The following CAMK4 variants were observed in gnomAD, a reference collection of about 807,000 sequenced individuals.
The protein encoded by CAMK4 is calcium/calmodulin-dependent protein kinase type IV.
CAMK4 carries 22 observed loss-of-function variants against 44.9 expected under a neutral mutation model. The observed-to-expected ratio is 0.49, with a 90% CI of 0.35 to 0.70. CAMK4 has a LOEUF of 0.70. CAMK4 is among the 30% of genes least tolerant of loss of function. The pLI is 0.01. For synonymous variants in CAMK4, 218 were observed against 215.4 expected, an observed-to-expected ratio of 1.01 and a Z score of -0.11; for missense variants, 498 against 586.8, an observed-to-expected ratio of 0.85 and a Z score of 1.56.
chr5:111,230,875 TAAAC>T (rs368204569), intron 1 of CAMK4, among the ~76,000 whole-genome samples: 17 of 152,256 alleles, frequency 1.1e-4, no homozygotes, highest in African/African-American at 3.6e-4. Flanking sequence ...ACGTATCTAA[TAAAC>T]AGAATATTGA....
rs115780787 is a variant in CAMK4 at position 111,257,984 on chromosome 5, A to G, written c.161+33340A>G. On this transcript the variant is annotated intron_variant, in intron 1 of 10. Coordinates refer to ENST00000282356, the MANE Select transcript of CAMK4 (RefSeq NM_001744.6). ...AATGAGATACCATCTCAGGGGAACA[A>G]CACACACTGGGGCCTAGCACGGGGA... is the stretch of plus-strand genomic sequence containing the variant. Among the ~76,000 whole-genome samples the G allele has an allele frequency of 2.2e-3, 334 of 152,212 alleles. 1 individual carries two copies. Among genetic ancestry groups the G allele is most frequent in the African/African-American group, 7.6e-3 (316 of 41,526 alleles).
chr5:111,282,623 G>C (rs1269286275), intron 1 of CAMK4, among the ~76,000 whole-genome samples: 1 of 152,080 alleles, frequency 6.6e-6, no homozygotes, highest in Non-Finnish European at 1.5e-5. Context: ...AGTATATGTA[G>C]CCACCAGAAT....
At chr5:111,259,171 C>T (rs1749872072) in intron 1 of CAMK4, among the ~76,000 whole-genome samples, 1 of 152,162 alleles carries the variant, frequency 6.6e-6, no homozygotes, top group Non-Finnish European at 1.5e-5. Flanking sequence ...CTTCCCTAAA[C>T]ATACAGAATA....
At chr5:111,400,684 G>C in intron 5 of CAMK4, among the ~76,000 whole-genome samples, 1 of 152,096 alleles carries the variant, frequency 6.6e-6, no homozygotes, top group Non-Finnish European at 1.5e-5. Flanking sequence ...GTGTTTGAAA[G>C]ATGTTTCCCT....
At chr5:111,400,364 A>G (rs1230519418) in intron 5 of CAMK4, among the ~76,000 whole-genome samples, 1 of 152,258 alleles carries the variant, frequency 6.6e-6, no homozygotes, top group Non-Finnish European at 1.5e-5. Context: ...ACACAGCTAT[A>G]CATAGCTATA....
Position 111,224,426 on chromosome 5 carries a change from T to C in CAMK4, c.-58T>C. 1 of 1,514,526 alleles carries C rather than the reference T, an allele frequency of 6.6e-7. No individual in the cohort carries two copies. The highest frequency in any genetic ancestry group is 8.8e-7 in the Non-Finnish European group (1 of 1,134,960). The allele number at this position is 1,514,526 out of a possible 1,614,324, so 93.8% of individuals were successfully genotyped here. On this transcript the variant is annotated 5_prime_UTR_variant, in exon 1 of 11. Transcript: ENST00000282356. The surrounding 1 kb of genome is among the most constrained non-coding windows in gnomAD (Gnocchi z 5.7). ...TCGCAGGCGGCGGCTGGCGGCCGGCTTCTCGCTCGGGCAGCGGCGGCGGCG... is the reference window on the plus strand; with the variant it reads ...TCGCAGGCGGCGGCTGGCGGCCGGCCTCTCGCTCGGGCAGCGGCGGCGGCG...
chr5:111,224,311 C>G, upstream of CAMK4: 2 of 968,966 alleles, frequency 2.1e-6, no homozygotes, highest in Non-Finnish European at 2.7e-6. This position sits in a 1 kb window ranked among gnomAD's most constrained non-coding sequence, Gnocchi z 5.7. Context: ...GAGGCTCGCC[C>G]CCTTCCCCGC....
chr5:111,279,693 T>G (rs1328449503), intron 1 of CAMK4, among the ~76,000 whole-genome samples: 1 of 151,458 alleles, frequency 6.6e-6, no homozygotes, highest in Non-Finnish European at 1.5e-5. Context: ...TATATTGCTT[T>G]TTATTTGGCA....
At chr5:111,420,260 G>T (rs1443375621) in intron 5 of CAMK4, among the ~76,000 whole-genome samples, 1 of 152,178 alleles carries the variant, frequency 6.6e-6, no homozygotes, top group Non-Finnish European at 1.5e-5. Flanking sequence ...TGGTGTATAA[G>T]AATGCTGGTG....
rs900277976 is a variant in CAMK4, at chr5:111,336,487, T to C, written c.162-7537T>C. 3.3e-5 allele frequency among the ~76,000 whole-genome samples: 5 copies of C among 151,084 alleles called. No individual in the cohort carries two copies. The South Asian group carries it at 1.0e-3, about 31-fold the overall frequency. On this transcript the variant is annotated intron_variant, in intron 1 of 10. Coordinates refer to ENST00000282356, the MANE Select transcript of CAMK4 (RefSeq NM_001744.6). ...TCAATTAATAATATAGGTTATTTTTTTGAGAAACTGTTGAATTGTTATTTC... is the reference window on the plus strand; with the variant it reads ...TCAATTAATAATATAGGTTATTTTTCTGAGAAACTGTTGAATTGTTATTTC...
At chr5:111,407,164 C>A (rs1430067604) in intron 5 of CAMK4, among the ~76,000 whole-genome samples, 1 of 151,942 alleles carries the variant, frequency 6.6e-6, no homozygotes, top group Admixed American at 6.6e-5. Context: ...CCAGCCTGGC[C>A]AAGATGGTGA....
At chr5:111,378,034 C>A (rs1023039976) in intron 4 of CAMK4, among the ~76,000 whole-genome samples, 7 of 151,926 alleles carry the variant, frequency 4.6e-5, no homozygotes, top group African/African-American at 1.7e-4. Context: ...TTTGTGTGCC[C>A]CCAAAATTCA....
chr5:111,475,991 C>T (rs1205896097), intron 8 of CAMK4, among the ~76,000 whole-genome samples: 1 of 152,098 alleles, frequency 6.6e-6, no homozygotes, highest in African/African-American at 2.4e-5. Flanking sequence ...TTAATGCTTC[C>T]TGGGAAAGTA....
At chr5:111,316,277 T>G (rs1017852630) in intron 1 of CAMK4, among the ~76,000 whole-genome samples, 1 of 152,168 alleles carries the variant, frequency 6.6e-6, no homozygotes, top group Non-Finnish European at 1.5e-5. Flanking sequence ...GCTCAGTTCT[T>G]TTTCTATGAC....
At chr5:111,391,875 T>C (rs184801218) in intron 4 of CAMK4, among the ~76,000 whole-genome samples, 2 of 152,276 alleles carry the variant, frequency 1.3e-5, no homozygotes, top group South Asian at 2.1e-4. Flanking sequence ...GCAAGTCAAT[T>C]ATTTGGAGAA....
intron 1 of CAMK4, among the ~76,000 whole-genome samples, chr5:111,247,105 C>CAT (rs978612236): frequency 8.6e-5 from 13 of 151,620 alleles, no homozygotes; most frequent in African/African-American, 1.9e-4. Context: ...CAATAAAATA[C>CAT]ATATATATAT....
In CAMK4 at chr5:111,486,500, A is replaced by AAAACACACACACACACACAC. The variant is rs1215025263; in HGVS notation, c.*2035_*2036insAACACACACACACACACACA. The AAAACACACACACACACACAC allele has an allele frequency of 9.7e-6, 1 of 103,578 alleles. No homozygotes were observed. The highest frequency in any genetic ancestry group is 3.4e-5 in the African/African-American group (1 of 29,420). The allele number at this position is 103,578 out of a possible 1,614,324, so 6.4% of individuals were successfully genotyped here. The stretch of plus-strand genomic sequence containing the variant: ...GTTGTACTTTTTACCATGAGACTGA[A>AAAACACACACACACACACAC]ACACACACACACACACACACACACA... On this transcript the variant is annotated 3_prime_UTR_variant, in exon 11 of 11. Transcript: ENST00000282356.
intron 5 of CAMK4, among the ~76,000 whole-genome samples, chr5:111,401,505 A>T (rs1357500281): frequency 6.9e-6 from 1 of 144,262 alleles, no homozygotes; most frequent in African/African-American, 2.6e-5. Flanking sequence ...CTAACCCTTT[A>T]AAAGTCAATA....
At chr5:111,309,070 T>TA (rs1341614838) in intron 1 of CAMK4, among the ~76,000 whole-genome samples, 1 of 152,188 alleles carries the variant, frequency 6.6e-6, no homozygotes, top group African/African-American at 2.4e-5. Flanking sequence ...CTGAGTATCT[T>TA]AGAGTCTTTG....
Sources: allele counts gnomAD v4.1 joint callset (sites outside exome capture counted in the v4.1 genomes callset), GRCh38; gene constraint gnomAD v4.1.1; non-coding constraint Gnocchi (gnomAD v3.1); transcripts MANE v1.5; gene names NCBI Gene and HGNC (gene_info 2026-07-23, HGNC 2026-07-21).